Variants in CRTC1 observed in about 807,000 individuals in gnomAD.
CRTC1 encodes CREB regulated transcription coactivator 1.
In CRTC1, 18 loss-of-function variants were observed where a neutral mutation model predicts 66.1. The observed-to-expected ratio is 0.27, with a 90% CI of 0.19 to 0.40. The LOEUF (loss-of-function observed/expected upper bound fraction) is 0.40, where lower values mean the gene tolerates loss of function less well. Ranked by LOEUF, CRTC1 falls within the 10% of genes least tolerant of loss-of-function variation. The pLI is 1.00. For missense variants in CRTC1, 669 were observed against 887.9 expected (o/e 0.75, Z 3.13); for synonymous variants, 416 against 398.8 (o/e 1.04, Z -0.51).
chr19:18,778,593 A>G lies in CRTC1; in HGVS notation c.*1211A>G, dbSNP rs1015172683. 17 of 230,628 alleles carry G rather than the reference A, an allele frequency of 7.4e-5. No homozygotes were observed. The highest frequency in any genetic ancestry group is 1.2e-4 in the Non-Finnish European group (14 of 116,470). The allele number at this position is 230,628 out of a possible 1,614,324, so 14.3% of individuals were successfully genotyped here. On this transcript the variant is annotated 3_prime_UTR_variant, in exon 14 of 14. Transcript: ENST00000321949. Reference sequence around the variant, plus strand: ...GGTGCCTCTGCCAGGGCCACAGAACAGACTTCCGGGAAGGGGCCTTGGCTT... The same window carrying G: ...GGTGCCTCTGCCAGGGCCACAGAACGGACTTCCGGGAAGGGGCCTTGGCTT...
chr19:18,739,766 C>T (rs1804633994), intron 1 of CRTC1, among the ~76,000 whole-genome samples: 1 of 152,168 alleles, frequency 6.6e-6, no homozygotes, highest in African/African-American at 2.4e-5. Flanking sequence ...AGCTGGCGTC[C>T]CACCACCCTG....
chr19:18,714,876 C>T (rs890755596), intron 1 of CRTC1, among the ~76,000 whole-genome samples: 1 of 152,276 alleles, frequency 6.6e-6, no homozygotes, highest in African/African-American at 2.4e-5. Flanking sequence ...TGGAGGGCCT[C>T]TCCTGCCCCC....
intron 2 of CRTC1, 49 bp downstream of exon 2, chr19:18,743,075 AGCCTC>A (rs1470053125): frequency 7.0e-7 from 1 of 1,422,436 alleles, no homozygotes; most frequent in Non-Finnish European, 9.9e-7. Flanking sequence ...AGCTTCCCCC[AGCCTC>A]CCACTGGGGG....
intron 1 of CRTC1, among the ~76,000 whole-genome samples, chr19:18,727,323 T>C (rs936051391): frequency 6.6e-6 from 1 of 151,300 alleles, no homozygotes; most frequent in Non-Finnish European, 1.5e-5. Flanking sequence ...GGTTCACGCG[T>C]GTAATCCGAG....
intron 4 of CRTC1, 45 bp downstream of exon 4, chr19:18,747,159 C>A: frequency 1.6e-6 from 2 of 1,217,076 alleles, no homozygotes; most frequent in South Asian, 1.2e-5. Context: ...TTGTTGGAAA[C>A]AAAACCAAAC....
At chr19:18,743,220 C>T (rs2145728762) in intron 2 of CRTC1, among the ~76,000 whole-genome samples, 194 bp downstream of exon 2, 1 of 152,378 alleles carries the variant, frequency 6.6e-6, no homozygotes, top group Admixed American at 6.5e-5. Context: ...CAGCCCATTC[C>T]CCATCAGCAG....
intron 7 of CRTC1, among the ~76,000 whole-genome samples, 162 bp downstream of exon 7, chr19:18,759,753 C>G (rs376102403): frequency 2.0e-5 from 3 of 152,292 alleles, no homozygotes; most frequent in African/African-American, 7.2e-5. Context: ...CCCTCAGGCA[C>G]CTCATTCCCA....
At chr19:18,686,642 A>T (rs1227836549) in intron 1 of CRTC1, among the ~76,000 whole-genome samples, 1 of 152,204 alleles carries the variant, frequency 6.6e-6, no homozygotes, top group East Asian at 1.9e-4. Context: ...GTGAGACTCC[A>T]TCTCAAAACA....
intron 1 of CRTC1, among the ~76,000 whole-genome samples, chr19:18,715,888 C>T (rs953195816): frequency 2.0e-5 from 3 of 152,206 alleles, no homozygotes; most frequent in Non-Finnish European, 2.9e-5. Flanking sequence ...CTGCAGCCCA[C>T]GCTCCTTCCT....
Position 18,768,782 on chromosome 19 carries a change from G to C in CRTC1, c.1309G>C (p.Asp437His). The C allele has an allele frequency of 6.2e-7, 1 of 1,600,674 alleles. No homozygotes were observed. Among genetic ancestry groups the C allele is most frequent in the Non-Finnish European group, 8.5e-7 (1 of 1,174,888 alleles). ...ENPGQPSMGI[D>H]IASAPALQQY... is the part of the protein sequence containing the mutation. ...CCCTGGCCAGCCATCGATGGGGATC[G>C]ACATCGCCTCGGTAAGCCCAGGGTG... Residue 437 changes from aspartate (D) to histidine (H), a missense_variant, in exon 10 of 14, where the codon GAC becomes CAC. Physicochemically the swap from Asp to His is moderately conservative, Grantham distance 81. This residue lies in a region of CRTC1 where 241 missense variants were observed against 242.2 expected (regional missense o/e 0.99). Transcript: ENST00000321949. This position sits in a 1 kb window ranked among gnomAD's most constrained non-coding sequence, Gnocchi z 5.6.
chr19:18,693,074 CAAAAAA>C (rs71168762), intron 1 of CRTC1, among the ~76,000 whole-genome samples: 3 of 69,370 alleles, frequency 4.3e-5, no homozygotes, highest in Admixed American at 1.9e-4. Context: ...GACTCCGTCT[CAAAAAA>C]AAAAAAAAAA....
intron 2 of CRTC1, among the ~76,000 whole-genome samples, chr19:18,745,301 G>A (rs889850015): frequency 6.6e-6 from 1 of 152,196 alleles, no homozygotes; most frequent in African/African-American, 2.4e-5. Flanking sequence ...GAGCAGCCCT[G>A]GGCTCCACAA....
At chr19:18,707,344 T>A (rs1201850952) in intron 1 of CRTC1, among the ~76,000 whole-genome samples, 1 of 152,076 alleles carries the variant, frequency 6.6e-6, no homozygotes, top group Non-Finnish European at 1.5e-5. Flanking sequence ...CCAGAGCCGT[T>A]TTGTTGAAAA....
chr19:18,721,492 CTTTTTT>C (rs56049346), intron 1 of CRTC1, among the ~76,000 whole-genome samples: 2 of 122,104 alleles, frequency 1.6e-5, no homozygotes, highest in Admixed American at 8.5e-5. Context: ...CACACCCGGC[CTTTTTT>C]TTTTTTTTTT....
At chr19:18,709,557 GA>G (rs539018594) in intron 1 of CRTC1, among the ~76,000 whole-genome samples, 1 of 152,326 alleles carries the variant, frequency 6.6e-6, no homozygotes, top group South Asian at 2.1e-4. Context: ...GAGGGCATCT[GA>G]GGGTGGCTGG....
At chr19:18,744,780 C>T (rs530965656) in intron 2 of CRTC1, among the ~76,000 whole-genome samples, 10 of 152,288 alleles carry the variant, frequency 6.6e-5, no homozygotes, top group African/African-American at 2.4e-4. Flanking sequence ...ACGGAAAGAC[C>T]CAAACCAGCA....
chr19:18,727,579 T>TGAAAAAAAAAAA (rs2053787946), intron 1 of CRTC1, among the ~76,000 whole-genome samples: 1 of 22,658 alleles, frequency 4.4e-5, no homozygotes, highest in Non-Finnish European at 7.0e-5. Flanking sequence ...AGACTCTGTC[T>TGAAAAAAAAAAA]CAAAAAAAAA....
At chr19:18,702,036 G>GC (rs1179714366) in intron 1 of CRTC1, among the ~76,000 whole-genome samples, 1 of 145,982 alleles carries the variant, frequency 6.9e-6, no homozygotes, top group Non-Finnish European at 1.5e-5. Flanking sequence ...CAATTCTCCT[G>GC]TCTCAGCCTC....
At chr19:18,756,350 A>AAC (rs1421870518) in intron 6 of CRTC1, among the ~76,000 whole-genome samples, 42 of 150,674 alleles carry the variant, frequency 2.8e-4, no homozygotes, top group African/African-American at 1.0e-3. Flanking sequence ...AAAAAAAAAA[A>AAC]AAAAACTCTA....
Sources: allele counts gnomAD v4.1 joint callset (sites outside exome capture counted in the v4.1 genomes callset), GRCh38; gene constraint gnomAD v4.1.1; regional missense constraint gnomAD v4.1.1; non-coding constraint Gnocchi (gnomAD v3.1); transcripts MANE v1.5; gene names NCBI Gene and HGNC (gene_info 2026-07-23, HGNC 2026-07-21).